ARID3B: variants seen among roughly 807,000 people sequenced by gnomAD.
ARID3B encodes the protein AT-rich interaction domain 3B, also known as AT-rich interactive domain-containing protein 3B.
A neutral mutation model predicts 51.9 loss-of-function variants in ARID3B; 10 were observed. That is an observed-to-expected ratio of 0.19 (90% confidence interval 0.12 to 0.33). ARID3B has a LOEUF of 0.33. Ranked by LOEUF, ARID3B falls within the 10% of genes least tolerant of loss-of-function variation. The pLI is 1.00. For missense variants in ARID3B, 483 were observed against 716.3 expected (o/e 0.67, Z 3.72); for synonymous variants, 205 against 279.5 (o/e 0.73, Z 2.66).
At chr15:74,562,944 T>C (rs1343852686) in intron 2 of ARID3B, among the ~76,000 whole-genome samples, 1 of 152,250 alleles carries the variant, frequency 6.6e-6, no homozygotes, top group Admixed American at 6.5e-5. Flanking sequence ...AAATGACTTA[T>C]ATTGCCTTCT....
At chr15:74,560,040 A>AAAAAAAAAAAAAAAAAAAAAAAAC in intron 2 of ARID3B, among the ~76,000 whole-genome samples, 1 of 145,366 alleles carries the variant, frequency 6.9e-6, no homozygotes, top group African/African-American at 2.5e-5. Context: ...CTAAAAAAAA[A>AAAAAAAAAAAAAAAAAAAAAAAAC]ACCACACACA....
rs1596266187 is a variant in ARID3B at position 74,594,029 on chromosome 15, C to G, written c.1519+793C>G. On this transcript the variant is annotated intron_variant, in intron 8 of 8. Transcript: ENST00000346246. ...CTGCATTCCAGCCTGAGTGACAAAGCAAGACCTTGTCTCAATTAAAAAAAA... is the reference window on the plus strand; with the variant it reads ...CTGCATTCCAGCCTGAGTGACAAAGGAAGACCTTGTCTCAATTAAAAAAAA... 3.3e-5 allele frequency among the ~76,000 whole-genome samples: 5 copies of G among 150,842 alleles called. No homozygotes were observed. In the South Asian group the frequency reaches 8.4e-4, roughly 25 times the overall value.
intron 2 of ARID3B, among the ~76,000 whole-genome samples, chr15:74,556,760 CTTTTTTTTGTTTTTTG>C (rs1567117692): frequency 7.0e-6 from 1 of 142,166 alleles, no homozygotes; most frequent in Non-Finnish European, 1.5e-5. Flanking sequence ...TTCCTTTTTT[CTTTTTTTTGTTTTTTG>C]TTTTTTTTTT....
intron 4 of ARID3B, among the ~76,000 whole-genome samples, chr15:74,588,802 C>T (rs1303826558): frequency 2.0e-5 from 3 of 151,938 alleles, no homozygotes; most frequent in African/African-American, 4.8e-5. Flanking sequence ...CACTTCCCCT[C>T]GGGGCCATTG....
chr15:74,555,845 G>A (rs2061655560), intron 2 of ARID3B, among the ~76,000 whole-genome samples: 1 of 134,722 alleles, frequency 7.4e-6, no homozygotes, highest in Admixed American at 8.6e-5. Flanking sequence ...AGGCTGGAGT[G>A]CAGTGGCACA....
Position 74,546,011 on chromosome 15 carries a change from G to A in ARID3B, c.552+1523G>A, listed in dbSNP as rs555733944. Among the ~76,000 whole-genome samples the A allele has an allele frequency of 5.4e-4, 82 of 152,280 alleles. 2 individuals carry two copies. The South Asian group carries it at 0.016, about 30-fold the overall frequency. On this transcript the variant is annotated intron_variant, in intron 2 of 8. Transcript: ENST00000346246. ...AGGCACATGGTAGGTAATAGTGCCC[G>A]GGGGAGCTCTTTTATGTAAACAGTG... is the stretch of plus-strand genomic sequence containing the variant.
At chr15:74,562,718 T>C (rs2061683436) in intron 2 of ARID3B, among the ~76,000 whole-genome samples, 1 of 152,226 alleles carries the variant, frequency 6.6e-6, no homozygotes, top group South Asian at 2.1e-4. Context: ...TTTATTGTGA[T>C]AGGCATTTTA....
intron 1 of ARID3B, among the ~76,000 whole-genome samples, chr15:74,543,186 ATGT>A (rs1266430303): frequency 1.3e-5 from 2 of 152,136 alleles, no homozygotes; most frequent in African/African-American, 4.8e-5. Context: ...TGTTTCTTTC[ATGT>A]TGTTGAAATT....
intron 2 of ARID3B, among the ~76,000 whole-genome samples, chr15:74,544,892 G>A (rs1027993113): frequency 7.9e-5 from 12 of 151,948 alleles, no homozygotes; most frequent in Non-Finnish European, 1.8e-4. Context: ...GGGTTTCACC[G>A]TGTTAGCCAA....
At chr15:74,545,119 A>G (rs2061610867) in intron 2 of ARID3B, among the ~76,000 whole-genome samples, 1 of 152,246 alleles carries the variant, frequency 6.6e-6, no homozygotes, top group Non-Finnish European at 1.5e-5. Context: ...TGTGTGACTA[A>G]TTACAGCTTT....
intron 2 of ARID3B, among the ~76,000 whole-genome samples, chr15:74,544,878 G>A (rs770575760): frequency 1.6e-4 from 24 of 151,968 alleles, no homozygotes; most frequent in Non-Finnish European, 3.1e-4. Context: ...TTTTAGCAGA[G>A]ACGGGGTTTC....
At chr15:74,579,258 G>A (rs929092618) in intron 4 of ARID3B, among the ~76,000 whole-genome samples, 8 of 152,296 alleles carry the variant, frequency 5.3e-5, no homozygotes, top group East Asian at 1.9e-4. Context: ...AGGCAAGACC[G>A]GGGTGACTTG....
chr15:74,570,667 G>C lies in ARID3B; in HGVS notation c.553-2195G>C, dbSNP rs554193488. ...TGTCTTTCAACTGATAGGGGCTCCT[G>C]GGATAATTGACTTTCCAGCAGGAAT... On this transcript the variant is annotated intron_variant, in intron 2 of 8. Coordinates refer to ENST00000346246, the MANE Select transcript of ARID3B (RefSeq NM_006465.4). Among the ~76,000 whole-genome samples the C allele has an allele frequency of 3.9e-5, 6 of 152,182 alleles. No homozygotes were observed. In the East Asian group the frequency reaches 1.2e-3, roughly 29 times the overall value.
chr15:74,590,000 C>A lies in ARID3B; in HGVS notation c.878C>A (p.Thr293Lys). The A allele has an allele frequency of 6.2e-7, 1 of 1,608,748 alleles. No individual in the cohort carries two copies. The highest frequency in any genetic ancestry group is 1.7e-5 in the Admixed American group (1 of 59,268). Residue 293 changes from threonine (T) to lysine (K), a missense_variant, in exon 5 of 9, where the codon ACG (threonine) becomes AAG (lysine). By Grantham distance (78) the Thr-to-Lys change is moderately conservative. Transcript: ENST00000346246. ...SITSAAFTLR[T>K]QYMKYLYAYE... Reference sequence around the variant, plus strand: ...ACCAGCGCCGCCTTCACCCTCAGGACGCAGTGAGTGGCCAGGGCCTGGGAG... The same window carrying A: ...ACCAGCGCCGCCTTCACCCTCAGGAAGCAGTGAGTGGCCAGGGCCTGGGAG...
At chr15:74,554,500 AC>A in intron 2 of ARID3B, among the ~76,000 whole-genome samples, 1 of 148,198 alleles carries the variant, frequency 6.7e-6, no homozygotes, top group Non-Finnish European at 1.5e-5. Flanking sequence ...ACAGGATTTC[AC>A]CATGTTGGCA....
At chr15:74,563,565 C>A (rs900150082) in intron 2 of ARID3B, among the ~76,000 whole-genome samples, 1 of 152,160 alleles carries the variant, frequency 6.6e-6, no homozygotes, top group East Asian at 1.9e-4. Context: ...CTGTCACCAG[C>A]GGGTCCATTG....
In ARID3B at chr15:74,591,234, A is replaced by C; in HGVS notation, c.965A>C (p.Asn322Thr). 1 of 1,613,818 alleles carries C rather than the reference A, an allele frequency of 6.2e-7. No homozygotes were observed. Among genetic ancestry groups the C allele is most frequent in the Non-Finnish European group, 8.5e-7 (1 of 1,179,802 alleles). ...PAELQAAIDGNRREGRRPSYS... is the reference protein window; with the variant it reads ...PAELQAAIDGTRREGRRPSYS... ...GAGCTCCAGGCAGCAATTGATGGCA[A>C]CCGCAGGGAGGGCCGGCGGCCCAGC... Residue 322 changes from asparagine (N) to threonine (T), a missense_variant, in exon 6 of 9, where the codon AAC (asparagine) becomes ACC (threonine). Asn to Thr is a moderately conservative substitution (Grantham distance 65). Transcript: ENST00000346246. This position sits in a 1 kb window ranked among gnomAD's most constrained non-coding sequence, Gnocchi z 5.8.
At chr15:74,594,305 A>G (rs927051976) in intron 8 of ARID3B, among the ~76,000 whole-genome samples, 3 of 152,130 alleles carry the variant, frequency 2.0e-5, no homozygotes, top group East Asian at 1.9e-4. Context: ...AAAGTTAGCC[A>G]GGCGTGGGGG....
At chr15:74,590,148 T>C in intron 5 of ARID3B, 145 bp downstream of exon 5, 1 of 953,534 alleles carries the variant, frequency 1.0e-6, no homozygotes, top group Non-Finnish European at 1.5e-6. Flanking sequence ...CTGAGATGAA[T>C]CCCTCACTAA....
Sources: allele counts gnomAD v4.1 joint callset (sites outside exome capture counted in the v4.1 genomes callset), GRCh38; gene constraint gnomAD v4.1.1; non-coding constraint Gnocchi (gnomAD v3.1); transcripts MANE v1.5; gene names NCBI Gene and HGNC (gene_info 2026-07-23, HGNC 2026-07-21).